Variants in KHDRBS2 observed in about 807,000 individuals in gnomAD.
The protein encoded by KHDRBS2 is KH RNA binding domain containing, signal transduction associated 2.
Under a neutral mutation model 44.3 loss-of-function variants are expected in KHDRBS2, and 26 were observed. The ratio of observed to expected loss-of-function variants is 0.59; its 90% CI spans 0.43 to 0.81. KHDRBS2 has a LOEUF of 0.81. KHDRBS2 is among the 40% of genes least tolerant of loss of function. The pLI is 0.00. For missense variants in KHDRBS2, 476 were observed against 433.1 expected (o/e 1.10, Z -0.88); for synonymous variants, 194 against 151.1 (o/e 1.28, Z -2.08).
intron 7 of KHDRBS2, among the ~76,000 whole-genome samples, chr6:61,732,447 TGGTTGCC>T (rs1774633329): frequency 6.6e-6 from 1 of 152,204 alleles, no homozygotes; most frequent in African/African-American, 2.4e-5. Flanking sequence ...ACGAGTTGAT[TGGTTGCC>T]ATAATCATCT....
At chr6:62,101,373 G>C (rs757437158) in intron 2 of KHDRBS2, among the ~76,000 whole-genome samples, 6 of 152,108 alleles carry the variant, frequency 3.9e-5, no homozygotes, top group African/African-American at 1.4e-4. Flanking sequence ...GTAACTGCAA[G>C]GTCTTGGATT....
downstream of KHDRBS2, among the ~76,000 whole-genome samples, chr6:61,676,221 T>C (rs1361988189): frequency 6.6e-6 from 1 of 151,900 alleles, no homozygotes; most frequent in Non-Finnish European, 1.5e-5. Context: ...TCTCTGTCTC[T>C]GGAGAAGCCT....
intron 3 of KHDRBS2, among the ~76,000 whole-genome samples, chr6:62,034,257 A>G (rs1171142313): frequency 6.6e-6 from 1 of 151,932 alleles, no homozygotes; most frequent in East Asian, 1.9e-4. Context: ...ACACTTAAAG[A>G]ACTAGCAGCA....
At chr6:62,141,058 C>T (rs184298807) in intron 2 of KHDRBS2, among the ~76,000 whole-genome samples, 487 of 152,110 alleles carry the variant, frequency 3.2e-3, no homozygotes, top group Non-Finnish European at 5.1e-3. Flanking sequence ...GTTATAACTA[C>T]GGAAATTTAA....
At chr6:62,086,607 C>G (rs1449716520) in intron 2 of KHDRBS2, among the ~76,000 whole-genome samples, 2 of 152,062 alleles carry the variant, frequency 1.3e-5, no homozygotes, top group Non-Finnish European at 2.9e-5. Flanking sequence ...TTGAACCACA[C>G]AACATAAATG....
At chr6:61,682,518 T>G (rs1766415958) in intron 8 of KHDRBS2, among the ~76,000 whole-genome samples, 2 of 152,016 alleles carry the variant, frequency 1.3e-5, no homozygotes, top group Middle Eastern at 3.4e-3. Flanking sequence ...CAGCTGATTG[T>G]TTTATAAATA....
intron 2 of KHDRBS2, among the ~76,000 whole-genome samples, chr6:62,121,182 C>T (rs1807543489): frequency 6.6e-6 from 1 of 152,134 alleles, no homozygotes; most frequent in Non-Finnish European, 1.5e-5. Flanking sequence ...GGCAGAATCC[C>T]CACATTGGCT....
intron 5 of KHDRBS2, among the ~76,000 whole-genome samples, chr6:61,898,836 TA>T (rs1803418073): frequency 6.6e-6 from 1 of 151,910 alleles, no homozygotes; most frequent in Non-Finnish European, 1.5e-5. Context: ...GGGAGGTATT[TA>T]GGAGCAATAG....
chr6:62,051,924 C>G (rs1030114764), intron 2 of KHDRBS2, among the ~76,000 whole-genome samples: 1 of 151,814 alleles, frequency 6.6e-6, no homozygotes, highest in Admixed American at 6.6e-5. Context: ...AAAACCACTA[C>G]GAGATACCAC....
chr6:62,018,832 T>C (rs1000723882), intron 3 of KHDRBS2, among the ~76,000 whole-genome samples: 4 of 152,312 alleles, frequency 2.6e-5, no homozygotes, highest in East Asian at 1.9e-4. Context: ...TTTAAAAAGA[T>C]TGAAATTCAC....
chr6:61,826,298 A>G (rs1056134189), intron 6 of KHDRBS2, among the ~76,000 whole-genome samples: 15 of 152,068 alleles, frequency 9.9e-5, no homozygotes, highest in African/African-American at 2.9e-4. Flanking sequence ...GCTTTCTCCT[A>G]TGTTAAGCCA....
chr6:61,619,457 G>GTTTGTTTT, the KHDRBS2 span, among the ~76,000 whole-genome samples: 1 of 151,822 alleles, frequency 6.6e-6, no homozygotes, highest in Non-Finnish European at 1.5e-5. Flanking sequence ...TTGTTTGTTT[G>GTTTGTTTT]TTTGTTTGTT....
rs190849102 is a variant in KHDRBS2 at position 61,983,918 on chromosome 6, G to A, written c.337-5706C>T. Among the ~76,000 whole-genome samples the A allele has an allele frequency of 9.9e-5, 15 of 152,184 alleles. No homozygotes were observed. In the East Asian group the frequency reaches 2.9e-3, roughly 29 times the overall value. On this transcript the variant is annotated intron_variant, in intron 3 of 8. Coordinates refer to ENST00000281156, the MANE Select transcript of KHDRBS2 (RefSeq NM_152688.4). ...AGCTACTTGCATCTCTTTGTAAACTGGGTCCTACCATCTTCTTAATTTTGT... is the reference window on the plus strand; with the variant it reads ...AGCTACTTGCATCTCTTTGTAAACTAGGTCCTACCATCTTCTTAATTTTGT...
chr6:61,997,155 A>G (rs2127255222), intron 3 of KHDRBS2, among the ~76,000 whole-genome samples: 1 of 152,322 alleles, frequency 6.6e-6, no homozygotes, highest in Middle Eastern at 3.4e-3. Flanking sequence ...TGCACTTTTC[A>G]CCATCCTGGA....
chr6:61,658,143 T>C, the KHDRBS2 span, among the ~76,000 whole-genome samples: 1 of 151,910 alleles, frequency 6.6e-6, no homozygotes, highest in East Asian at 1.9e-4. Flanking sequence ...GCAGCCTAAA[T>C]TGCATTTATT....
the KHDRBS2 span, among the ~76,000 whole-genome samples, chr6:61,567,478 G>A: frequency 6.6e-6 from 1 of 152,012 alleles, no homozygotes; most frequent in African/African-American, 2.4e-5. Context: ...TACAAAAAAA[G>A]TAAAAATAAA....
chr6:61,624,480 C>T, the KHDRBS2 span, among the ~76,000 whole-genome samples: 1 of 152,302 alleles, frequency 6.6e-6, no homozygotes, highest in East Asian at 1.9e-4. Flanking sequence ...AGGGGTAATA[C>T]TTATGGCTTT....
intron 4 of KHDRBS2, among the ~76,000 whole-genome samples, chr6:61,945,097 AAAAAAAAAAAAAAAAGTATATATATAT>A (rs1812936020): frequency 1.5e-5 from 1 of 67,884 alleles, no homozygotes; most frequent in African/African-American, 6.1e-5. Flanking sequence ...TCTTAAAAAA[AAAAAAAAAAAAAAAAGTATATATATAT>A]ATATATATAT....
At chr6:61,590,605 T>C in the KHDRBS2 span, among the ~76,000 whole-genome samples, 1 of 152,228 alleles carries the variant, frequency 6.6e-6, no homozygotes, top group Admixed American at 6.5e-5. Flanking sequence ...AGGACTTCTC[T>C]TCTTTGAAAC....
Sources: gnomAD v4.1 joint callset for allele counts (sites outside exome capture counted in the v4.1 genomes callset) on GRCh38, gnomAD v4.1.1 for gene constraint, MANE v1.5 for transcripts, NCBI Gene and HGNC (gene_info 2026-07-23, HGNC 2026-07-21) for gene names.